The following RGS9 variants were observed in gnomAD, a reference collection of about 807,000 sequenced individuals.
RGS9 encodes regulator of G protein signaling 9, also known as regulator of G-protein signalling 9.
A neutral mutation model predicts 102.0 loss-of-function variants in RGS9; 78 were observed. That is an observed-to-expected ratio of 0.76 (90% CI 0.64 to 0.92). The LOEUF (loss-of-function observed/expected upper bound fraction) is 0.92, where lower values mean the gene tolerates loss of function less well. RGS9 is among the 40% of genes least tolerant of loss of function. The pLI is 0.00. For synonymous variants in RGS9, 353 were observed against 318.6 expected, an observed-to-expected ratio of 1.11 and a Z score of -1.15; for missense variants, 833 against 866.1, an observed-to-expected ratio of 0.96 and a Z score of 0.48.
intron 17 of RGS9, among the ~76,000 whole-genome samples, chr17:65,220,727 C>T (rs7217524): frequency 0.072 from 10,888 of 152,190 alleles, 1,284 homozygotes; most frequent in African/African-American, 0.25. Flanking sequence ...AACCACATTC[C>T]GAGGACAGAA....
intron 9 of RGS9, 131 bp downstream of exon 9, chr17:65,177,934 G>A (rs750446443): frequency 7.7e-5 from 59 of 762,524 alleles, no homozygotes; most frequent in East Asian, 1.1e-4. Context: ...GAGGAGGACC[G>A]TGGGCTCTGT....
chr17:65,158,727 G>A (rs112364480), intron 3 of RGS9: 10 of 368,414 alleles, frequency 2.7e-5, no homozygotes, highest in African/African-American at 1.7e-4. Context: ...TGAGTGGAAA[G>A]TGGAGGAGTG....
intron 14 of RGS9, among the ~76,000 whole-genome samples, chr17:65,202,438 TGTGTGTGAGAGA>T (rs1328970617): frequency 1.5e-5 from 2 of 137,006 alleles, no homozygotes; most frequent in African/African-American, 5.7e-5. Flanking sequence ...TGTGTGTGTG[TGTGTGTGAGAGA>T]GAGAGAGAGA....
intron 9 of RGS9, 51 bp downstream of exon 9, chr17:65,177,854 T>A: frequency 7.0e-7 from 1 of 1,436,054 alleles, no homozygotes; most frequent in Non-Finnish European, 9.8e-7. Flanking sequence ...ATTCTGGGGC[T>A]GGGAAGGTGT....
rs557963057 is a variant in RGS9 at position 65,215,927 on chromosome 17, G to A, written c.1407+5322G>A. ...CCTCAAGGAGTTCCAGACTAGGAAA[G>A]AGACAGACACACTGTACAACTCACT... is the stretch of plus-strand genomic sequence containing the variant. On this transcript the variant is annotated intron_variant, in intron 17 of 18. Transcript: ENST00000262406. 1.7e-4 allele frequency among the ~76,000 whole-genome samples: 26 copies of A among 152,274 alleles called. 1 individual carries two copies. The Middle Eastern group carries it at 0.01, about 60-fold the overall frequency.
At chr17:65,179,563 T>A (rs1284647343) in intron 9 of RGS9, among the ~76,000 whole-genome samples, 1 of 148,898 alleles carries the variant, frequency 6.7e-6, no homozygotes, top group Non-Finnish European at 1.5e-5. Context: ...AGAAAGCACA[T>A]CACTCATTCT....
At chr17:65,182,430 A>G (rs1911920103) in intron 9 of RGS9, among the ~76,000 whole-genome samples, 1 of 152,228 alleles carries the variant, frequency 6.6e-6, no homozygotes, top group African/African-American at 2.4e-5. Context: ...CACGGTTGAG[A>G]AAGCAGGCCG....
chr17:65,184,823 CTCCT>C (rs1384736218), intron 9 of RGS9, among the ~76,000 whole-genome samples: 5 of 79,386 alleles, frequency 6.3e-5, no homozygotes, highest in African/African-American at 2.0e-4. Flanking sequence ...TCCTCTCTCT[CTCCT>C]TCCTTCCTTC....
intron 7 of RGS9, among the ~76,000 whole-genome samples, chr17:65,164,287 G>A (rs1911092883): frequency 6.6e-6 from 1 of 152,206 alleles, no homozygotes; most frequent in South Asian, 2.1e-4. Context: ...TTTGTGCGTT[G>A]CTTAGCAGGG....
At chr17:65,159,065 T>A (rs914613968) in intron 3 of RGS9, among the ~76,000 whole-genome samples, 1 of 152,120 alleles carries the variant, frequency 6.6e-6, no homozygotes, top group Non-Finnish European at 1.5e-5. Context: ...AAATGGCCAG[T>A]CCTTGCCTTA....
intron 1 of RGS9, among the ~76,000 whole-genome samples, chr17:65,149,748 T>A (rs1910507075): frequency 6.6e-6 from 1 of 152,226 alleles, no homozygotes; most frequent in South Asian, 2.1e-4. Context: ...TCTAAGGGAT[T>A]ATAAAGTCAC....
intron 9 of RGS9, among the ~76,000 whole-genome samples, chr17:65,186,418 T>C (rs1276033184): frequency 6.6e-6 from 1 of 150,538 alleles, no homozygotes; most frequent in Non-Finnish European, 1.5e-5. Context: ...GGTCTCACCA[T>C]GTTGGCCAGG....
intron 1 of RGS9, among the ~76,000 whole-genome samples, chr17:65,142,080 C>T (rs1341226537): frequency 2.0e-5 from 3 of 152,114 alleles, no homozygotes. Context: ...CATGGTGAAA[C>T]CAAAAATACA....
intron 17 of RGS9, among the ~76,000 whole-genome samples, chr17:65,211,020 C>G (rs1013425713): frequency 2.0e-5 from 3 of 152,052 alleles, no homozygotes; most frequent in East Asian, 3.9e-4. Flanking sequence ...AAAAGTGGTA[C>G]ACAAAGCTCT....
rs1328476541 is a variant in RGS9 at position 65,225,081 on chromosome 17, TCTC to T, written c.1496_1498del (p.Ser499del). On this transcript the variant is annotated inframe_deletion, in exon 18 of 19. Coordinates refer to ENST00000262406, the MANE Select transcript of RGS9 (RefSeq NM_003835.4). Reference sequence around the variant, plus strand: ...ATGCCCCCGTCTCCTTCTAGCCCCTTCTCCTCCTCCTGCCGCTCCCCCAGGAAG... The same window carrying T: ...ATGCCCCCGTCTCCTTCTAGCCCCTTCTCCTCCTGCCGCTCCCCCAGGAAG... The T allele has an allele frequency of 1.6e-5, 26 of 1,613,696 alleles. No individual in the cohort carries two copies. Among genetic ancestry groups the T allele is most frequent in the Middle Eastern group, 3.3e-4 (2 of 6,062 alleles).
chr17:65,161,800 A>G (rs898884384), intron 6 of RGS9, among the ~76,000 whole-genome samples: 4 of 151,732 alleles, frequency 2.6e-5, no homozygotes, highest in Non-Finnish European at 5.9e-5. Context: ...GCTCACTGCA[A>G]CTTCTGTCTC....
At chr17:65,198,476 G>A (rs1325905203) in intron 13 of RGS9, among the ~76,000 whole-genome samples, 2 of 152,078 alleles carry the variant, frequency 1.3e-5, no homozygotes, top group Admixed American at 6.5e-5. Context: ...GGCTGGTCTC[G>A]AACTCTTAAC....
At position 65,160,248 on chromosome 17, in the gene RGS9, G is replaced by T. The variant is rs773698571; in HGVS notation, c.221G>T (p.Gly74Val). The T allele has an allele frequency of 6.2e-7, 1 of 1,614,082 alleles. No individual in the cohort carries two copies. The highest frequency in any genetic ancestry group is 8.5e-7 in the Non-Finnish European group (1 of 1,179,922). ...WISSLEAQNLGNFIVRYGYIY... is the reference protein window; with the variant it reads ...WISSLEAQNLVNFIVRYGYIY... Reference sequence around the variant, plus strand: ...CTTTTCCCAGAGGCACAGAACTTGGGCAACTTTATTGTCAGGTATGGCTAC... The same window carrying T: ...CTTTTCCCAGAGGCACAGAACTTGGTCAACTTTATTGTCAGGTATGGCTAC... The change falls in exon 4 of 19, where the codon GGC becomes GTC. Residue 74 changes from glycine (G) to valine (V), a missense_variant. This residue lies in a region of RGS9 where 328 missense variants were observed against 340.6 expected (regional missense o/e 0.96). Transcript: ENST00000262406.
chr17:65,194,573 C>T (rs767492625), intron 12 of RGS9, among the ~76,000 whole-genome samples: 7 of 150,418 alleles, frequency 4.7e-5, no homozygotes, highest in Non-Finnish European at 7.3e-5. Flanking sequence ...TTTCCCTTAC[C>T]CTTTGGCTTT....
Sources: gnomAD v4.1 joint callset for allele counts (sites outside exome capture counted in the v4.1 genomes callset) on GRCh38, gnomAD v4.1.1 for gene constraint, gnomAD v4.1.1 regional missense constraint, MANE v1.5 for transcripts, NCBI Gene and HGNC (gene_info 2026-07-23, HGNC 2026-07-21) for gene names.